Variants in DGKB observed in about 807,000 individuals in gnomAD.
DGKB encodes the protein 90 kDa diacylglycerol kinase.
A neutral mutation model predicts 114.3 loss-of-function variants in DGKB; 67 were observed. The observed-to-expected ratio is 0.59, with a 90% CI of 0.48 to 0.72. The LOEUF (loss-of-function observed/expected upper bound fraction) is 0.72. Among genes scored for constraint, DGKB ranks in the 30% least tolerant of loss-of-function variants. The pLI is 0.00. For synonymous variants in DGKB, 398 were observed against 323.1 expected, an observed-to-expected ratio of 1.23 and a Z score of -2.49; for missense variants, 907 against 975.2, an observed-to-expected ratio of 0.93 and a Z score of 0.93.
At chr7:14,404,752 C>T (rs1183855588) in intron 21 of DGKB, among the ~76,000 whole-genome samples, 1 of 151,796 alleles carries the variant, frequency 6.6e-6, no homozygotes, top group Non-Finnish European at 1.5e-5. Context: ...GCTTGTCTTA[C>T]TGGGCCTTCA....
chr7:14,290,978 C>A (rs1801672675), intron 23 of DGKB, among the ~76,000 whole-genome samples: 1 of 151,550 alleles, frequency 6.6e-6, no homozygotes, highest in Admixed American at 6.6e-5. Context: ...CCCATCTCTA[C>A]TAAAAATACA....
At chr7:14,571,040 A>G (rs1434828106) in intron 20 of DGKB, among the ~76,000 whole-genome samples, 5 of 152,192 alleles carry the variant, frequency 3.3e-5, no homozygotes, top group Non-Finnish European at 7.3e-5. Context: ...CTAGTTAGCA[A>G]AAAAACCCTG....
At chr7:14,387,107 T>C (rs1820478019) in intron 21 of DGKB, among the ~76,000 whole-genome samples, 1 of 136,214 alleles carries the variant, frequency 7.3e-6, no homozygotes, top group African/African-American at 3.1e-5. Context: ...ATTATTTATT[T>C]ATTTATTTAT....
chr7:14,483,483 G>C (rs1384611194), intron 20 of DGKB, among the ~76,000 whole-genome samples: 1 of 152,116 alleles, frequency 6.6e-6, no homozygotes, highest in Non-Finnish European at 1.5e-5. Flanking sequence ...TGACGTAAAG[G>C]ACTGAGCCAT....
chr7:14,747,197 T>C (rs1490168348), intron 4 of DGKB, among the ~76,000 whole-genome samples: 1 of 150,264 alleles, frequency 6.7e-6, no homozygotes, highest in East Asian at 2.0e-4. Flanking sequence ...TCTTTTTTTT[T>C]TTTTTTTTTT....
chr7:14,499,778 A>C (rs1374386473), intron 20 of DGKB, among the ~76,000 whole-genome samples: 1 of 151,892 alleles, frequency 6.6e-6, no homozygotes, highest in Admixed American at 6.6e-5. Context: ...ATTCTTCTGA[A>C]ACGTAAATGA....
intron 1 of DGKB, among the ~76,000 whole-genome samples, chr7:14,895,289 A>C (rs1225437499): frequency 6.6e-6 from 1 of 151,524 alleles, no homozygotes; most frequent in Non-Finnish European, 1.5e-5. Context: ...CATCTGTTTT[A>C]GTCTTAAAAA....
chr7:14,754,802 C>G (rs1166313405), intron 3 of DGKB, among the ~76,000 whole-genome samples: 1 of 152,168 alleles, frequency 6.6e-6, no homozygotes, highest in Admixed American at 6.5e-5. Flanking sequence ...AGGCATGAGT[C>G]ATTAATATGT....
intron 2 of DGKB, among the ~76,000 whole-genome samples, chr7:14,788,860 C>T (rs1562536995): frequency 6.6e-6 from 1 of 152,056 alleles, no homozygotes; most frequent in Non-Finnish European, 1.5e-5. Context: ...CCTTGTGATG[C>T]CTAAATAATA....
chr7:14,803,967 ACT>A (rs1842491203), intron 2 of DGKB, among the ~76,000 whole-genome samples: 1 of 152,018 alleles, frequency 6.6e-6, no homozygotes, highest in African/African-American at 2.4e-5. Context: ...GAATTTTAGT[ACT>A]TTCTTTTGAA....
chr7:14,265,478 A>G (rs758296001), intron 23 of DGKB, among the ~76,000 whole-genome samples: 1 of 151,332 alleles, frequency 6.6e-6, no homozygotes, highest in Non-Finnish European at 1.5e-5. Flanking sequence ...TCTTCTTTCT[A>G]TTGTGTCTTC....
chr7:14,948,050 T>C (rs892066087), intron 1 of DGKB, among the ~76,000 whole-genome samples: 2 of 151,704 alleles, frequency 1.3e-5, no homozygotes, highest in East Asian at 3.9e-4. Context: ...AAATTTAAAG[T>C]TAATATATTG....
intron 23 of DGKB, among the ~76,000 whole-genome samples, chr7:14,267,224 C>T (rs533370339): frequency 6.6e-6 from 1 of 152,280 alleles, no homozygotes; most frequent in South Asian, 2.1e-4. Flanking sequence ...TGGCGGCCTC[C>T]ACCTCCTATC....
chr7:14,305,999 T>C (rs1362815334), intron 23 of DGKB, among the ~76,000 whole-genome samples: 8 of 152,156 alleles, frequency 5.3e-5, no homozygotes, highest in African/African-American at 1.9e-4. Context: ...CCTAGGTTAA[T>C]TCTAGAACTT....
intron 5 of DGKB, among the ~76,000 whole-genome samples, chr7:14,723,234 A>G (rs1273049165): frequency 1.3e-5 from 2 of 152,182 alleles, no homozygotes; most frequent in Non-Finnish European, 2.9e-5. Flanking sequence ...TGGTAAAATG[A>G]TAACATGAAA....
intron 5 of DGKB, among the ~76,000 whole-genome samples, chr7:14,731,996 T>A (rs1830992911): frequency 6.6e-6 from 1 of 152,134 alleles, no homozygotes; most frequent in Non-Finnish European, 1.5e-5. Flanking sequence ...ATTACAAAAA[T>A]AAGTCATCTT....
intron 1 of DGKB, among the ~76,000 whole-genome samples, chr7:14,865,098 C>T (rs188935332): frequency 1.3e-5 from 2 of 152,120 alleles, no homozygotes; most frequent in African/African-American, 2.4e-5. Flanking sequence ...TATTGGTGAA[C>T]AAAATGTGAT....
At chr7:14,876,886 T>C (rs1193817599) in intron 1 of DGKB, among the ~76,000 whole-genome samples, 1 of 152,212 alleles carries the variant, frequency 6.6e-6, no homozygotes, top group Non-Finnish European at 1.5e-5. Context: ...ATATTCCAAA[T>C]TACTTTTCTT....
intron 20 of DGKB, among the ~76,000 whole-genome samples, chr7:14,563,901 C>T (rs192729611): frequency 6.6e-6 from 1 of 152,114 alleles, no homozygotes; most frequent in African/African-American, 2.4e-5. Context: ...TTTTCCTGCT[C>T]ACTCTGTGCT....
Sources: gnomAD v4.1 joint callset for allele counts (sites outside exome capture counted in the v4.1 genomes callset) on GRCh38, gnomAD v4.1.1 for gene constraint, MANE v1.5 for transcripts, NCBI Gene and HGNC (gene_info 2026-07-23, HGNC 2026-07-21) for gene names.